CADM1: variants seen among roughly 807,000 people sequenced by gnomAD.
CADM1 encodes cell adhesion molecule 1, also known as TSLC-1.
CADM1 carries 15 observed loss-of-function variants against 53.1 expected under a neutral mutation model. The observed-to-expected ratio is 0.28, with a 90% CI of 0.19 to 0.44. The LOEUF is 0.44. Among genes scored for constraint, CADM1 ranks in the 20% least tolerant of loss-of-function variants. CADM1 has a pLI of 1.00. For synonymous variants in CADM1, 281 were observed against 243.0 expected (o/e 1.16, Z -1.45); for missense variants, 434 against 611.3 (o/e 0.71, Z 3.06).
At chr11:115,383,088 C>T (rs908131381) in intron 1 of CADM1, among the ~76,000 whole-genome samples, 1 of 152,156 alleles carries the variant, frequency 6.6e-6, no homozygotes, top group Non-Finnish European at 1.5e-5. Context: ...TTAACTTTTG[C>T]TTCTTTAATC....
At chr11:115,284,417 G>A (rs1386210034) in intron 1 of CADM1, among the ~76,000 whole-genome samples, 3 of 151,578 alleles carry the variant, frequency 2.0e-5, no homozygotes, top group South Asian at 2.1e-4. Context: ...TAATGCTCCC[G>A]GCTTCCATTT....
At chr11:115,390,709 T>G (rs1253667132) in intron 1 of CADM1, among the ~76,000 whole-genome samples, 1 of 150,766 alleles carries the variant, frequency 6.6e-6, no homozygotes, top group Non-Finnish European at 1.5e-5. Flanking sequence ...GGTGGGAGTA[T>G]TAAGAGAATA....
chr11:115,234,606 T>C (rs1445940312), intron 3 of CADM1, among the ~76,000 whole-genome samples: 2 of 152,030 alleles, frequency 1.3e-5, no homozygotes, highest in Non-Finnish European at 2.9e-5. Flanking sequence ...CATTAGAAAA[T>C]GTGCCCAGGT....
At chr11:115,194,322 A>T (rs1940043862) in intron 9 of CADM1, among the ~76,000 whole-genome samples, 2 of 152,206 alleles carry the variant, frequency 1.3e-5, no homozygotes. Context: ...ATAATAAGAA[A>T]ATTGTACGTG....
At chr11:115,446,919 G>A (rs1016826168) in intron 1 of CADM1, among the ~76,000 whole-genome samples, 2 of 152,172 alleles carry the variant, frequency 1.3e-5, no homozygotes, top group African/African-American at 4.8e-5. Context: ...CCTGGGAGCT[G>A]CCAAATGAGC....
rs78502176 is a variant in CADM1, at chr11:115,414,636, T to C, written c.124+89635A>G. Among the ~76,000 whole-genome samples the C allele has an allele frequency of 2.8e-3, 425 of 152,282 alleles. 2 individuals carry two copies. The highest frequency in any genetic ancestry group is 9.5e-3 in the African/African-American group (395 of 41,550). Reference sequence around the variant, plus strand: ...TGAGCCAAAGAGTTTCTAGTAAAGTTAGACCAAAGAACCACTAGAACGGAA... The same window carrying C: ...TGAGCCAAAGAGTTTCTAGTAAAGTCAGACCAAAGAACCACTAGAACGGAA... On this transcript the variant is annotated intron_variant, in intron 1 of 11. Coordinates refer to ENST00000331581, the MANE Select transcript of CADM1 (RefSeq NM_001301043.2).
At chr11:115,224,523 T>C (rs766453705) in intron 5 of CADM1, among the ~76,000 whole-genome samples, 10 of 152,136 alleles carry the variant, frequency 6.6e-5, no homozygotes, top group Non-Finnish European at 1.3e-4. Context: ...TTTTAAAATA[T>C]GCACAAACAC....
At chr11:115,425,699 C>A (rs2135281412) in intron 1 of CADM1, among the ~76,000 whole-genome samples, 1 of 152,292 alleles carries the variant, frequency 6.6e-6, no homozygotes, top group East Asian at 1.9e-4. Flanking sequence ...AGATAAGCCA[C>A]AATAATATGT....
intron 1 of CADM1, among the ~76,000 whole-genome samples, chr11:115,351,680 T>A (rs772963547): frequency 2.6e-5 from 4 of 152,188 alleles, no homozygotes; most frequent in Admixed American, 6.5e-5. Flanking sequence ...AAATTATTAA[T>A]CTTTTAAACC....
At chr11:115,459,701 C>T (rs947858881) in intron 1 of CADM1, among the ~76,000 whole-genome samples, 1 of 152,152 alleles carries the variant, frequency 6.6e-6, no homozygotes, top group African/African-American at 2.4e-5. Context: ...AAAAGACTTT[C>T]ACACACAAAG....
At chr11:115,441,100 G>C (rs1948298775) in intron 1 of CADM1, among the ~76,000 whole-genome samples, 1 of 151,692 alleles carries the variant, frequency 6.6e-6, no homozygotes, top group Non-Finnish European at 1.5e-5. Context: ...TTAGCAATAT[G>C]GACATGGTGT....
intron 1 of CADM1, among the ~76,000 whole-genome samples, chr11:115,242,087 A>T (rs972036767): frequency 6.6e-6 from 1 of 151,864 alleles, no homozygotes; most frequent in Non-Finnish European, 1.5e-5. Context: ...ATTAGAAAAG[A>T]GGAAACTAAA....
At chr11:115,503,892 G>A (rs560608788) in intron 1 of CADM1, among the ~76,000 whole-genome samples, 34 of 152,256 alleles carry the variant, frequency 2.2e-4, no homozygotes, top group African/African-American at 7.7e-4. Flanking sequence ...GGACCTGCAA[G>A]TTACGGGGAG....
chr11:115,273,351 CTTAAATGTTCCTCA>C (rs1391556597), intron 1 of CADM1, among the ~76,000 whole-genome samples: 1 of 152,172 alleles, frequency 6.6e-6, no homozygotes, highest in East Asian at 1.9e-4. Context: ...AGAAACATCT[CTTAAATGTTCCTCA>C]TTAACTGAAC....
At chr11:115,410,257 A>G (rs1045270394) in intron 1 of CADM1, among the ~76,000 whole-genome samples, 7 of 152,192 alleles carry the variant, frequency 4.6e-5, no homozygotes, top group Admixed American at 1.3e-4. Context: ...TGTGCTTCTT[A>G]GCTTCTCTCC....
chr11:115,267,924 A>C (rs982991106), intron 1 of CADM1, among the ~76,000 whole-genome samples: 2 of 152,078 alleles, frequency 1.3e-5, no homozygotes, highest in Non-Finnish European at 2.9e-5. Context: ...AAGGGAATGA[A>C]AGTGAGTAAA....
chr11:115,312,275 T>C (rs945268762), intron 1 of CADM1, among the ~76,000 whole-genome samples: 7 of 152,178 alleles, frequency 4.6e-5, no homozygotes, highest in African/African-American at 1.4e-4. Context: ...TAACTCAATT[T>C]AACATGCCCT....
chr11:115,235,166 T>G (rs1367904754), intron 3 of CADM1, among the ~76,000 whole-genome samples: 1 of 147,804 alleles, frequency 6.8e-6, no homozygotes, highest in African/African-American at 2.5e-5. Context: ...CTGACTTTGC[T>G]CAGTTTTTTT....
At chr11:115,387,370 T>G (rs1028331071) in intron 1 of CADM1, among the ~76,000 whole-genome samples, 10 of 151,764 alleles carry the variant, frequency 6.6e-5, no homozygotes, top group African/African-American at 2.4e-4. Context: ...ATGGGAAAGA[T>G]AAAAACCTAA....
Sources: allele counts gnomAD v4.1 joint callset (sites outside exome capture counted in the v4.1 genomes callset), GRCh38; gene constraint gnomAD v4.1.1; transcripts MANE v1.5; gene names NCBI Gene and HGNC (gene_info 2026-07-23, HGNC 2026-07-21).